GALNT13: variants seen among roughly 807,000 people sequenced by gnomAD.
GALNT13 encodes UDP-GalNAc:polypeptide N-acetylgalactosaminyltransferase 13.
GALNT13 carries 28 observed loss-of-function variants against 64.2 expected under a neutral mutation model. That is an observed-to-expected ratio of 0.44 (90% CI 0.32 to 0.60). GALNT13 has a LOEUF of 0.60. Among genes scored for constraint, GALNT13 ranks in the 20% least tolerant of loss-of-function variants. GALNT13 has a pLI of 0.05. For missense variants in GALNT13, 577 were observed against 669.8 expected, an observed-to-expected ratio of 0.86 and a Z score of 1.53; for synonymous variants, 214 against 224.6, an observed-to-expected ratio of 0.95 and a Z score of 0.42.
At chr2:154,138,445 T>C (rs1381471630) in intron 3 of GALNT13, among the ~76,000 whole-genome samples, 3 of 152,014 alleles carry the variant, frequency 2.0e-5, no homozygotes, top group Non-Finnish European at 4.4e-5. Flanking sequence ...TTTTTAAAAA[T>C]GTACCCCAAA....
the GALNT13 span, among the ~76,000 whole-genome samples, chr2:153,412,189 A>T: frequency 6.6e-6 from 1 of 151,840 alleles, no homozygotes; most frequent in Non-Finnish European, 1.5e-5. Flanking sequence ...ATCTATCTAT[A>T]TTTATCCTAT....
the GALNT13 span, among the ~76,000 whole-genome samples, chr2:153,625,048 C>G: frequency 6.6e-6 from 1 of 151,892 alleles, no homozygotes; most frequent in Non-Finnish European, 1.5e-5. Context: ...GGAAATAGAT[C>G]CTAGCAATTC....
the GALNT13 span, among the ~76,000 whole-genome samples, chr2:153,694,345 T>C: frequency 6.6e-6 from 1 of 152,200 alleles, no homozygotes; most frequent in Non-Finnish European, 1.5e-5. Context: ...AAACTACATG[T>C]ATTACATCAT....
chr2:153,775,389 G>T, the GALNT13 span, among the ~76,000 whole-genome samples: 2 of 151,944 alleles, frequency 1.3e-5, no homozygotes, highest in African/African-American at 4.8e-5. Flanking sequence ...TCAATATATT[G>T]CCAGAATTGA....
the GALNT13 span, among the ~76,000 whole-genome samples, chr2:153,432,106 GA>G: frequency 2.6e-5 from 4 of 151,288 alleles, no homozygotes; most frequent in Admixed American, 6.6e-5. Flanking sequence ...CTGGAAATGG[GA>G]AAAAAAAGGA....
chr2:153,436,909 T>A, the GALNT13 span, among the ~76,000 whole-genome samples: 1 of 152,194 alleles, frequency 6.6e-6, no homozygotes, highest in Non-Finnish European at 1.5e-5. Context: ...TTCTTTTAAT[T>A]GTGATGTTAG....
At chr2:154,313,883 A>G (rs1194778722) in intron 9 of GALNT13, among the ~76,000 whole-genome samples, 1 of 151,378 alleles carries the variant, frequency 6.6e-6, no homozygotes, top group East Asian at 1.9e-4. Flanking sequence ...TTTTTTTTGT[A>G]TATGCAACCA....
the GALNT13 span, among the ~76,000 whole-genome samples, chr2:153,839,165 T>G: frequency 8.6e-5 from 13 of 151,910 alleles, no homozygotes; most frequent in South Asian, 2.1e-4. Context: ...TTTTTGTGCA[T>G]GTAATGTTTA....
the GALNT13 span, among the ~76,000 whole-genome samples, chr2:153,748,334 G>GT: frequency 2.0e-5 from 3 of 152,118 alleles, no homozygotes; most frequent in African/African-American, 7.2e-5. Flanking sequence ...TATAGTTTTA[G>GT]TTTTTTTAGG....
intron 9 of GALNT13, among the ~76,000 whole-genome samples, chr2:154,306,590 G>A (rs1693743284): frequency 7.1e-6 from 1 of 139,906 alleles, no homozygotes; most frequent in African/African-American, 2.6e-5. Context: ...TAAAAATTCA[G>A]GGATCAAGGT....
chr2:153,453,684 C>T, the GALNT13 span, among the ~76,000 whole-genome samples: 1 of 152,180 alleles, frequency 6.6e-6, no homozygotes, highest in Non-Finnish European at 1.5e-5. Flanking sequence ...TAAATTAGTT[C>T]AGCCACTGTG....
At chr2:154,154,304 G>T (rs1179909267) in intron 4 of GALNT13, among the ~76,000 whole-genome samples, 1 of 152,220 alleles carries the variant, frequency 6.6e-6, no homozygotes. Context: ...TGATGATACA[G>T]TTCAGACAGA....
chr2:154,016,633 G>A (rs762735790), intron 3 of GALNT13, among the ~76,000 whole-genome samples: 24 of 151,984 alleles, frequency 1.6e-4, no homozygotes, highest in Admixed American at 3.3e-4. Context: ...GGCCAGGCTG[G>A]TCTTGAACTC....
At chr2:153,359,604 A>G in the GALNT13 span, among the ~76,000 whole-genome samples, 1 of 132,136 alleles carries the variant, frequency 7.6e-6, no homozygotes, top group East Asian at 2.3e-4. Context: ...GCTGGACACA[A>G]TGGGACACCA....
intron 9 of GALNT13, among the ~76,000 whole-genome samples, chr2:154,333,658 C>T (rs577946678): frequency 6.6e-6 from 1 of 152,018 alleles, no homozygotes; most frequent in Middle Eastern, 3.4e-3. Context: ...ATTCTTTATA[C>T]CTGTTTATAA....
At chr2:153,101,628 A>T in the GALNT13 span, among the ~76,000 whole-genome samples, 1 of 152,246 alleles carries the variant, frequency 6.6e-6, no homozygotes, top group Non-Finnish European at 1.5e-5. Flanking sequence ...GAAATTTAAC[A>T]ATGGGTTTTG....
the GALNT13 span, among the ~76,000 whole-genome samples, chr2:153,222,307 T>TGGGGGGGGGGGGG: frequency 4.7e-4 from 3 of 6,318 alleles, no homozygotes; most frequent in Non-Finnish European, 1.2e-3. Context: ...TGAGTCTGGC[T>TGGGGGGGGGGGGG]GGGGGGGGGG....
intron 2 of GALNT13, among the ~76,000 whole-genome samples, chr2:153,904,988 T>C (rs968332257): frequency 6.6e-5 from 10 of 151,952 alleles, no homozygotes; most frequent in African/African-American, 2.4e-4. Context: ...AGGAGCCAAC[T>C]TCTATTTAAT....
chr2:153,935,017 G>A (rs1690802859), intron 2 of GALNT13, among the ~76,000 whole-genome samples: 1 of 152,232 alleles, frequency 6.6e-6, no homozygotes, highest in Non-Finnish European at 1.5e-5. Context: ...AGTGGCTGGG[G>A]TCAGATGTAT....
Sources: gnomAD v4.1 joint callset for allele counts (sites outside exome capture counted in the v4.1 genomes callset) on GRCh38, gnomAD v4.1.1 for gene constraint, MANE v1.5 for transcripts, NCBI Gene and HGNC (gene_info 2026-07-23, HGNC 2026-07-21) for gene names.